OTUD7A: variants seen among roughly 807,000 people sequenced by gnomAD.
The protein encoded by OTUD7A is OTU domain-containing protein 7A.
OTUD7A carries 12 observed loss-of-function variants against 65.7 expected under a neutral mutation model. That is an observed-to-expected ratio of 0.18 (90% CI 0.12 to 0.30). The LOEUF is 0.30. Ranked by LOEUF, OTUD7A falls within the 10% of genes least tolerant of loss-of-function variation. OTUD7A has a pLI of 1.00. For synonymous variants in OTUD7A, 641 were observed against 586.3 expected (o/e 1.09, Z -1.35); for missense variants, 1,148 against 1,304.8 (o/e 0.88, Z 1.85).
intron 1 of OTUD7A, among the ~76,000 whole-genome samples, chr15:31,768,702 G>A (rs72709352): frequency 0.12 from 17,823 of 151,902 alleles, 1,420 homozygotes; most frequent in East Asian, 0.43. Context: ...TTCGGCGTCT[G>A]CAGATGTAAT....
At chr15:31,508,799 T>C (rs2041624408) in intron 8 of OTUD7A, among the ~76,000 whole-genome samples, 1 of 152,248 alleles carries the variant, frequency 6.6e-6, no homozygotes, top group African/African-American at 2.4e-5. Flanking sequence ...TGAGGCCCCA[T>C]GGTGACGTCT....
Position 31,487,492 on chromosome 15 carries a change from C to T in OTUD7A, c.1246G>A (p.Glu416Lys), listed in dbSNP as rs1255755130. The T allele has an allele frequency of 9.9e-6, 16 of 1,614,130 alleles. No homozygotes were observed. The highest frequency in any genetic ancestry group is 1.4e-5 in the Non-Finnish European group (16 of 1,180,022). Residue 416 changes from glutamate to lysine, a missense_variant, in exon 11 of 13, where the codon GAG (glutamate) becomes AAG (lysine). Around this residue, in one of 6 missense-constraint regions of OTUD7A, gnomAD observed 842 missense variants for 769.5 expected, o/e 1.09. Transcript: ENST00000307050. The surrounding 1 kb of genome is among the most constrained non-coding windows in gnomAD (Gnocchi z 6.0). ...TTATCGTTGTCGTCTTTCCCCCACT[C>T]CCAGTCCTTGCCAGGGTCCACTGCA... Reference protein sequence around the residue: ...HFAVDPGKDWEWGKDDNDNAR... With the variant: ...HFAVDPGKDWKWGKDDNDNAR...
At chr15:31,804,534 G>A (rs1012615529) in intron 1 of OTUD7A, among the ~76,000 whole-genome samples, 2 of 152,146 alleles carry the variant, frequency 1.3e-5, no homozygotes, top group Non-Finnish European at 2.9e-5. Context: ...TGAGGGGTCT[G>A]AGAATTTCTG....
chr15:31,747,060 A>AT (rs1056225857), intron 1 of OTUD7A, among the ~76,000 whole-genome samples: 1 of 151,918 alleles, frequency 6.6e-6, no homozygotes, highest in East Asian at 1.9e-4. Flanking sequence ...TACTTGGTTG[A>AT]TTTTTTTTCT....
intron 3 of OTUD7A, among the ~76,000 whole-genome samples, chr15:31,635,452 A>G (rs1316896670): frequency 6.6e-6 from 1 of 152,168 alleles, no homozygotes; most frequent in Non-Finnish European, 1.5e-5. Context: ...AAGACCTCCC[A>G]TCCAAGCATC....
intron 5 of OTUD7A, among the ~76,000 whole-genome samples, chr15:31,554,252 A>G (rs910245951): frequency 5.9e-5 from 9 of 151,902 alleles, no homozygotes; most frequent in Non-Finnish European, 1.0e-4. Flanking sequence ...GCTTTCTTCC[A>G]CTGGAATTTC....
chr15:31,595,214 G>T (rs566572283), intron 3 of OTUD7A, among the ~76,000 whole-genome samples: 1 of 152,260 alleles, frequency 6.6e-6, no homozygotes, highest in African/African-American at 2.4e-5. Context: ...TGCAGCATGG[G>T]GCCATGGTAA....
At chr15:31,636,613 G>A (rs1363057128) in intron 3 of OTUD7A, among the ~76,000 whole-genome samples, 5 of 152,146 alleles carry the variant, frequency 3.3e-5, no homozygotes, top group African/African-American at 7.2e-5. Flanking sequence ...GCTTAGTGAG[G>A]AAGGCATTTT....
intron 1 of OTUD7A, among the ~76,000 whole-genome samples, chr15:31,848,415 G>A (rs1178927943): frequency 1.3e-5 from 2 of 152,066 alleles, no homozygotes; most frequent in Non-Finnish European, 2.9e-5. Context: ...TTCCCCAGTT[G>A]TAGGTAATAC....
intron 3 of OTUD7A, among the ~76,000 whole-genome samples, chr15:31,605,861 C>T (rs1181123304): frequency 6.6e-6 from 1 of 152,162 alleles, no homozygotes; most frequent in Non-Finnish European, 1.5e-5. Context: ...GGAGACTGTG[C>T]CACTGTGCCC....
intron 1 of OTUD7A, among the ~76,000 whole-genome samples, chr15:31,734,478 G>A (rs1010516399): frequency 6.6e-6 from 1 of 152,152 alleles, no homozygotes; most frequent in Non-Finnish European, 1.5e-5. Flanking sequence ...CAAAGCTGGA[G>A]GCATCATGCT....
intron 1 of OTUD7A, among the ~76,000 whole-genome samples, chr15:31,712,961 G>C (rs1893484930): frequency 6.6e-6 from 1 of 152,036 alleles, no homozygotes; most frequent in African/African-American, 2.4e-5. Flanking sequence ...TCCTAACTGG[G>C]GCTTCTGGCC....
At chr15:31,810,869 C>T (rs940915994) in intron 1 of OTUD7A, among the ~76,000 whole-genome samples, 11 of 152,192 alleles carry the variant, frequency 7.2e-5, no homozygotes, top group African/African-American at 2.4e-4. Flanking sequence ...CTCAGGCCTC[C>T]ATCCCCAGGA....
At chr15:31,645,426 C>T (rs904647307) in intron 3 of OTUD7A, among the ~76,000 whole-genome samples, 1 of 152,092 alleles carries the variant, frequency 6.6e-6, no homozygotes, top group African/African-American at 2.4e-5. Context: ...TTATAATAAA[C>T]CTGTTTGCAT....
intron 3 of OTUD7A, among the ~76,000 whole-genome samples, chr15:31,600,828 G>A (rs1326070110): frequency 6.6e-6 from 1 of 152,162 alleles, no homozygotes; most frequent in Non-Finnish European, 1.5e-5. Flanking sequence ...TGATAAAACA[G>A]ACTTTAAACC....
intron 1 of OTUD7A, among the ~76,000 whole-genome samples, chr15:31,763,029 T>A (rs1443015289): frequency 3.3e-5 from 5 of 152,154 alleles, no homozygotes; most frequent in Non-Finnish European, 7.4e-5. Context: ...ACGCCTGTAA[T>A]CCCAACACTT....
In OTUD7A at chr15:31,827,153, C is replaced by T. The variant is rs1458750264; in HGVS notation, c.-100+43354G>A. ...CTGGTACCAATTTACTGTATTAGTC[C>T]GTTTTCACACTGCTGATAAAGACAT... On this transcript the variant is annotated intron_variant, in intron 1 of 12. Transcript: ENST00000307050. Among the ~76,000 whole-genome samples the T allele has an allele frequency of 3.3e-5, 5 of 152,128 alleles. 1 individual carries two copies. Among genetic ancestry groups the T allele is most frequent in the African/African-American group, 7.2e-5 (3 of 41,410 alleles).
chr15:31,528,578 AG>A lies in OTUD7A; in HGVS notation c.653-1271del, dbSNP rs145688795. On this transcript the variant is annotated intron_variant, in intron 6 of 12. Coordinates refer to ENST00000307050, the MANE Select transcript of OTUD7A (RefSeq NM_001382637.1). The stretch of plus-strand genomic sequence containing the variant: ...GCTTCGCCTTTTTCTATAGGATGGC[AG>A]GGGAGGGGGAATGACCACTGTCACT... Among the ~76,000 whole-genome samples, 204 of 152,334 alleles carry A rather than the reference AG, an allele frequency of 1.3e-3. 1 individual carries two copies. Among genetic ancestry groups the A allele is most frequent in the African/African-American group, 4.8e-3 (198 of 41,584 alleles).
At chr15:31,743,093 C>G (rs1894386046) in intron 1 of OTUD7A, among the ~76,000 whole-genome samples, 1 of 151,986 alleles carries the variant, frequency 6.6e-6, no homozygotes, top group Non-Finnish European at 1.5e-5. Context: ...ACATCATCAA[C>G]AAATATAACC....
Sources: gnomAD v4.1 joint callset for allele counts (sites outside exome capture counted in the v4.1 genomes callset) on GRCh38, gnomAD v4.1.1 for gene constraint, gnomAD v4.1.1 regional missense constraint, Gnocchi (gnomAD v3.1) non-coding constraint, MANE v1.5 for transcripts, NCBI Gene and HGNC (gene_info 2026-07-23, HGNC 2026-07-21) for gene names.